TRPM1: variants seen among roughly 807,000 people sequenced by gnomAD.
TRPM1 encodes the protein TRPM1-203 APA Isoform, Intron 10.
In TRPM1, 113 loss-of-function variants were observed where a neutral mutation model predicts 149.4. The ratio of observed to expected loss-of-function variants is 0.76; its 90% CI spans 0.65 to 0.88. The LOEUF (loss-of-function observed/expected upper bound fraction) is 0.88. Ranked by LOEUF, TRPM1 falls within the 40% of genes least tolerant of loss-of-function variation. TRPM1 has a pLI of 0.00. For missense variants in TRPM1, 1,976 were observed against 2,038.7 expected (o/e 0.97, Z 0.59); for synonymous variants, 741 against 759.5 (o/e 0.98, Z 0.40).
intron 1 of TRPM1, among the ~76,000 whole-genome samples, chr15:31,157,308 C>T (rs1345441777): frequency 2.0e-5 from 3 of 152,116 alleles, no homozygotes; most frequent in Admixed American, 2.0e-4. Context: ...TGTAGTATTT[C>T]ATTATGTGAA....
chr15:31,085,700 T>C (rs1201076222), intron 1 of TRPM1, among the ~76,000 whole-genome samples: 1 of 152,188 alleles, frequency 6.6e-6, no homozygotes, highest in Non-Finnish European at 1.5e-5. Context: ...TTGTGCAGAA[T>C]GTAGGGTGTT....
chr15:31,035,929 G>C lies in TRPM1; in HGVS notation c.2572-255C>G, dbSNP rs533943803. ...TCTACATGGAGACATATTGGTTGGT[G>C]CTGTCATCCTCATGGGGAAACTATG... On this transcript the variant is annotated intron_variant, in intron 20 of 27. Transcript: ENST00000256552. The C allele has an allele frequency of 7.5e-5, 41 of 549,982 alleles. 1 individual carries two copies. In the South Asian group the frequency reaches 8.0e-4, roughly 11 times the overall value. The allele number at this position is 549,982 out of a possible 1,614,324, so 34.1% of individuals were successfully genotyped here. A position where few individuals can be genotyped will look rare whatever the true frequency, so the allele number is the denominator to read the frequency against.
chr15:31,120,966 C>T (rs533547574), intron 1 of TRPM1, among the ~76,000 whole-genome samples: 13 of 152,218 alleles, frequency 8.5e-5, no homozygotes, highest in Non-Finnish European at 1.6e-4. Flanking sequence ...CAGGGGCTCA[C>T]GCCTGTAATC....
intron 10 of TRPM1, 86 bp downstream of exon 10, chr15:31,061,356 A>T: frequency 7.4e-7 from 1 of 1,345,022 alleles, no homozygotes; most frequent in Non-Finnish European, 1.1e-6. Context: ...GCACCAGCAG[A>T]CATAGTCCAT....
chr15:31,039,205 C>T (rs1204372614), intron 18 of TRPM1, among the ~76,000 whole-genome samples: 2 of 152,086 alleles, frequency 1.3e-5, no homozygotes, highest in East Asian at 3.9e-4. Context: ...TTCTGGGTTT[C>T]AGTGTTGTTG....
At position 31,032,720 on chromosome 15, in the gene TRPM1, A is replaced by C. The variant is rs1315258301; in HGVS notation, c.2921T>G (p.Leu974Arg). The change falls in exon 22 of 28, where the codon CTG (leucine) becomes CGG (arginine). Residue 974 changes from leucine to arginine, a missense_variant. Leu to Arg is a moderately radical substitution (Grantham distance 102). Coordinates refer to ENST00000256552, the MANE Select transcript of TRPM1 (RefSeq NM_001252024.2). The stretch of plus-strand genomic sequence containing the variant: ...TCCAATCATCATCACGTATGGCCCC[A>C]GATACTTGTTGACACCAAAGATGTC... The part of the protein sequence containing the change: ...VLDIFGVNKY[L>R]GPYVMMIGKM... 1.2e-6 allele frequency: 2 copies of C among 1,614,078 alleles called. No individual in the cohort carries two copies. Among genetic ancestry groups the C allele is most frequent in the East Asian group, 4.5e-5 (2 of 44,896 alleles).
rs537976451 is a variant in TRPM1 at position 31,033,881 on chromosome 15, G to A, written c.2701-941C>T. ...GCAGAATTTGAATGAGGCCCAGCTA[G>A]AAAAGGAACAGTAGTAGAAGGTGGC... On this transcript the variant is annotated intron_variant, in intron 21 of 27. Transcript: ENST00000256552. 1.1e-4 allele frequency among the ~76,000 whole-genome samples: 17 copies of A among 152,334 alleles called. No individual in the cohort carries two copies. In the East Asian group the frequency reaches 2.1e-3, roughly 19 times the overall value.
At chr15:31,014,033 C>T (rs910983743) in intron 27 of TRPM1, among the ~76,000 whole-genome samples, 8 of 152,188 alleles carry the variant, frequency 5.3e-5, no homozygotes, top group Admixed American at 3.9e-4. Flanking sequence ...AAGATCAAGT[C>T]AGCCAGAAAT....
intron 27 of TRPM1, among the ~76,000 whole-genome samples, chr15:31,013,341 C>T (rs1377306192): frequency 6.6e-6 from 1 of 151,936 alleles, no homozygotes; most frequent in African/African-American, 2.4e-5. Context: ...TAATTTCTAC[C>T]TCTTTTTTTT....
rs767095977 is a variant in TRPM1 at position 31,047,893 on chromosome 15, T to C, written c.1619A>G (p.Lys540Arg). The C allele has an allele frequency of 4.3e-6, 7 of 1,613,292 alleles. No homozygotes were observed. In the South Asian group the frequency reaches 4.4e-5, roughly 10 times the overall value. ...ATTGTAAAACAGTAGACTGACCTTT[T>C]TCACATCCCTCACCAGCAGATGAAG... is the stretch of plus-strand genomic sequence containing the variant. ...NTLHLLVRDV[K>R]KSNLPPDYHI... The change falls in exon 14 of 28, where the codon AAA becomes AGA. Residue 540 changes from lysine to arginine, a missense_variant. Physicochemically the swap from Lys to Arg is conservative, Grantham distance 26. Transcript: ENST00000256552.
chr15:31,112,929 T>TTAA (rs904313787), intron 1 of TRPM1, among the ~76,000 whole-genome samples: 1 of 152,210 alleles, frequency 6.6e-6, no homozygotes, highest in Admixed American at 6.5e-5. Flanking sequence ...TACCTCTTAA[T>TTAA]ATTTCACATA....
At chr15:31,106,450 TA>T (rs905713117), upstream of TRPM1, among the ~76,000 whole-genome samples, 353 of 151,902 alleles carry the variant, frequency 2.3e-3, 2 homozygotes, top group African/African-American at 7.9e-3. Context: ...CAAGTAAACT[TA>T]AAAAAAAATT....
At chr15:31,077,759 G>T (rs1019126950) in intron 2 of TRPM1, among the ~76,000 whole-genome samples, 1 of 151,924 alleles carries the variant, frequency 6.6e-6, no homozygotes, top group Admixed American at 6.6e-5. Context: ...CTATGTTTGT[G>T]TATGTGTCTG....
intron 10 of TRPM1, 79 bp from the exon 11 acceptor site, chr15:31,060,723 A>G (rs150841791): frequency 1.7e-6 from 2 of 1,148,454 alleles, no homozygotes; most frequent in East Asian, 2.4e-5. Context: ...GGTGGTGAGC[A>G]CAGGCTTCCC....
intron 27 of TRPM1, among the ~76,000 whole-genome samples, chr15:31,016,269 TTATAAC>T (rs1316475569): frequency 1.3e-5 from 2 of 152,376 alleles, no homozygotes; most frequent in Admixed American, 1.3e-4. Flanking sequence ...GTGAAATAAC[TTATAAC>T]TATGTTTTTA....
intron 1 of TRPM1, among the ~76,000 whole-genome samples, chr15:31,159,539 T>C (rs1022090364): frequency 1.3e-5 from 2 of 152,192 alleles, no homozygotes; most frequent in Non-Finnish European, 2.9e-5. Flanking sequence ...CTAAAAATAA[T>C]GCTGACTCTC....
At chr15:31,090,795 T>C (rs921474704) in intron 1 of TRPM1, among the ~76,000 whole-genome samples, 11 of 152,094 alleles carry the variant, frequency 7.2e-5, no homozygotes, top group African/African-American at 2.7e-4. Flanking sequence ...AACAGTGTGG[T>C]GGAAGGAGAA....
chr15:31,145,929 A>AC (rs2036219147), intron 1 of TRPM1, among the ~76,000 whole-genome samples: 1 of 151,446 alleles, frequency 6.6e-6, no homozygotes, highest in African/African-American at 2.4e-5. Flanking sequence ...CAAAAAAAAA[A>AC]CAAAAACAAA....
chr15:31,047,073 C>G, intron 15 of TRPM1, 38 bp downstream of exon 15: 1 of 1,614,034 alleles, frequency 6.2e-7, no homozygotes, highest in Non-Finnish European at 8.5e-7. Flanking sequence ...ACATGGTACT[C>G]GCGAACCACA....
Sources: gnomAD v4.1 joint callset for allele counts (sites outside exome capture counted in the v4.1 genomes callset) on GRCh38, gnomAD v4.1.1 for gene constraint, MANE v1.5 for transcripts, NCBI Gene and HGNC (gene_info 2026-07-23, HGNC 2026-07-21) for gene names.